The following EPS8 variants were observed in gnomAD, a reference collection of about 807,000 sequenced individuals.
EPS8 encodes the protein epidermal growth factor receptor kinase substrate 8.
A neutral mutation model predicts 103.8 loss-of-function variants in EPS8; 42 were observed. The ratio of observed to expected loss-of-function variants is 0.40; its 90% CI spans 0.32 to 0.52. EPS8 has a LOEUF of 0.52. Among genes scored for constraint, EPS8 ranks in the 20% least tolerant of loss-of-function variants. The pLI is 0.40. For missense variants in EPS8, 969 were observed against 1,005.1 expected (o/e 0.96, Z 0.49); for synonymous variants, 344 against 344.6 (o/e 1.00, Z 0.02).
chr12:15,656,991 C>T (rs75507071), intron 12 of EPS8, among the ~76,000 whole-genome samples: 4 of 152,086 alleles, frequency 2.6e-5, no homozygotes, highest in Admixed American at 2.0e-4. Flanking sequence ...TTAATAATGA[C>T]CCTAGCTTTT....
At chr12:15,742,924 C>G (rs539595520) in intron 1 of EPS8, among the ~76,000 whole-genome samples, 1 of 152,044 alleles carries the variant, frequency 6.6e-6, no homozygotes, top group Non-Finnish European at 1.5e-5. Flanking sequence ...CAATGAGGCA[C>G]GAGAAAGAAA....
chr12:15,654,310 T>C lies in EPS8; in HGVS notation c.1102-17A>G, dbSNP rs756110493. ...CTGCACCACCTAAGATAATAAACCA[T>C]TTTTTAGCAAGAAGATTACTATTCT... is the stretch of plus-strand genomic sequence containing the variant. On this transcript the variant is annotated splice_polypyrimidine_tract_variant and intron_variant, in intron 12 of 20. Transcript: ENST00000281172. The C allele has an allele frequency of 6.2e-7, 1 of 1,608,088 alleles. No individual in the cohort carries two copies. The highest frequency in any genetic ancestry group is 8.5e-7 in the Non-Finnish European group (1 of 1,177,296).
At chr12:15,689,804 A>G in intron 1 of EPS8, among the ~76,000 whole-genome samples, 1 of 152,204 alleles carries the variant, frequency 6.6e-6, no homozygotes, top group East Asian at 1.9e-4. Flanking sequence ...TTTCACTTAT[A>G]CGCAGACTCT....
chr12:15,654,559 T>C (rs547014687), intron 12 of EPS8: 127 of 434,552 alleles, frequency 2.9e-4, no homozygotes, highest in Middle Eastern at 1.9e-3. Flanking sequence ...ATAGTTTCTC[T>C]GGAAGATACC....
chr12:15,789,371 C>T lies in EPS8; in HGVS notation c.-232G>A, dbSNP rs1216148709. On this transcript the variant is annotated 5_prime_UTR_variant, in exon 1 of 21. Coordinates refer to ENST00000281172, the MANE Select transcript of EPS8 (RefSeq NM_004447.6). The surrounding 1 kb of genome is among the most constrained non-coding windows in gnomAD (Gnocchi z 6.1). ...GCGCCGGGCGAGACCGCCTCGCTAG[C>T]TGCTGCCTGTGAAGTCTGGAGCCGC... 1 of 152,456 alleles carries T rather than the reference C, an allele frequency of 6.6e-6. No individual in the cohort carries two copies. Among genetic ancestry groups the T allele is most frequent in the East Asian group, 1.9e-4 (1 of 5,146 alleles). The allele number at this position is 152,456 out of a possible 1,614,324, so 9.4% of individuals were successfully genotyped here. A position where few individuals can be genotyped will look rare whatever the true frequency, so the allele number is the denominator to read the frequency against.
intron 17 of EPS8, among the ~76,000 whole-genome samples, chr12:15,637,783 G>A (rs1350378486): frequency 1.3e-5 from 2 of 152,302 alleles, no homozygotes; most frequent in Middle Eastern, 3.4e-3. Flanking sequence ...CCATATCTGA[G>A]GAGGAGAAAG....
intron 18 of EPS8, among the ~76,000 whole-genome samples, chr12:15,625,593 A>G (rs1286433837): frequency 1.3e-5 from 2 of 152,032 alleles, no homozygotes; most frequent in Non-Finnish European, 2.9e-5. Flanking sequence ...ACTCCAGCCA[A>G]TTCTTTCCCA....
At chr12:15,662,226 CA>C in intron 8 of EPS8, 127 bp from the exon 9 acceptor site, 1 of 1,513,930 alleles carries the variant, frequency 6.6e-7, no homozygotes, top group Non-Finnish European at 8.8e-7. Flanking sequence ...ACTGGATACA[CA>C]AGTCAAAACT....
chr12:15,733,568 A>T lies in EPS8; in HGVS notation c.-21-50596T>A, dbSNP rs1946739423. Among the ~76,000 whole-genome samples, 1 of 152,226 alleles carries T rather than the reference A, an allele frequency of 6.6e-6. No homozygotes were observed. The highest frequency in any genetic ancestry group is 1.5e-5 in the Non-Finnish European group (1 of 68,038). The stretch of plus-strand genomic sequence containing the variant: ...TTTTGTGAGATGAAGAAAGAATAAA[A>T]GGACATGTGAAAACACCTCAGCCCA... On this transcript the variant is annotated intron_variant, in intron 1 of 20. Coordinates refer to ENST00000281172, the MANE Select transcript of EPS8 (RefSeq NM_004447.6). The surrounding 1 kb of genome is among the most constrained non-coding windows in gnomAD (Gnocchi z 4.8).
intron 18 of EPS8, among the ~76,000 whole-genome samples, chr12:15,628,726 T>G: frequency 6.6e-6 from 1 of 152,240 alleles, no homozygotes; most frequent in East Asian, 1.9e-4. Context: ...TTTCCCCTGT[T>G]CATAGCTGCT....
In EPS8 at chr12:15,716,797, G is replaced by A. The variant is rs1485487156; in HGVS notation, c.-21-33825C>T. On this transcript the variant is annotated intron_variant, in intron 1 of 20. Coordinates refer to ENST00000281172, the MANE Select transcript of EPS8 (RefSeq NM_004447.6). This position sits in a 1 kb window ranked among gnomAD's most constrained non-coding sequence, Gnocchi z 5.0. The stretch of plus-strand genomic sequence containing the variant: ...ATTGTTAGGACAACCAAGCAGAATC[G>A]ATCAACAATGTCACAATCCATTCAT... 1.3e-5 allele frequency among the ~76,000 whole-genome samples: 2 copies of A among 152,080 alleles called. No individual in the cohort carries two copies. The highest frequency in any genetic ancestry group is 6.5e-5 in the Admixed American group (1 of 15,284).
At chr12:15,741,472 T>C (rs1946822127) in intron 1 of EPS8, among the ~76,000 whole-genome samples, 1 of 152,018 alleles carries the variant, frequency 6.6e-6, no homozygotes. Context: ...CAGTTTGGGG[T>C]AGAAGGGGAA....
intron 1 of EPS8, among the ~76,000 whole-genome samples, chr12:15,739,932 A>C (rs2136004447): frequency 6.6e-6 from 1 of 152,268 alleles, no homozygotes. Flanking sequence ...TGAGCTTTTA[A>C]AAAGCAATGT....
At position 15,680,629 on chromosome 12, in the gene EPS8, T is replaced by C. The variant is rs147220195; in HGVS notation, c.136+597A>G. On this transcript the variant is annotated intron_variant, in intron 3 of 20. Transcript: ENST00000281172. ...ACAATAAAAGTGGCCATCCAGACCC[T>C]ATACAAATAAATGCCATCCTAAACA... Among the ~76,000 whole-genome samples the C allele has an allele frequency of 4.7e-3, 712 of 151,614 alleles. 3 individuals are homozygous for C. Among genetic ancestry groups the C allele is most frequent in the African/African-American group, 0.016 (663 of 40,936 alleles).
intron 1 of EPS8, among the ~76,000 whole-genome samples, chr12:15,694,960 A>C (rs1320817826): frequency 6.6e-6 from 1 of 152,142 alleles, no homozygotes; most frequent in East Asian, 1.9e-4. Flanking sequence ...ATATTTCACT[A>C]TTTCATTATT....
At chr12:15,732,857 A>G (rs868791543) in intron 1 of EPS8, 4 of 474,000 alleles carry the variant, frequency 8.4e-6, no homozygotes, top group Non-Finnish European at 1.1e-5. Context: ...AAGGCTTTGA[A>G]TACAGCCACC....
At chr12:15,650,635 G>A (rs961383480) in intron 14 of EPS8, among the ~76,000 whole-genome samples, 188 bp downstream of exon 14, 1 of 152,044 alleles carries the variant, frequency 6.6e-6, no homozygotes, top group Non-Finnish European at 1.5e-5. Context: ...GCTTCACGGA[G>A]GAACAGAGCA....
chr12:15,659,507 C>A (rs1253118820), intron 10 of EPS8, among the ~76,000 whole-genome samples: 1 of 152,092 alleles, frequency 6.6e-6, no homozygotes. Flanking sequence ...GGATAGTATA[C>A]CTTTCATAGA....
chr12:15,652,511 C>A (rs1251326829), intron 13 of EPS8, among the ~76,000 whole-genome samples: 1 of 152,086 alleles, frequency 6.6e-6, no homozygotes, highest in East Asian at 1.9e-4. Context: ...CCTGATTTCA[C>A]CTTTGTACAT....
Sources: gnomAD v4.1 joint callset for allele counts (sites outside exome capture counted in the v4.1 genomes callset) on GRCh38, gnomAD v4.1.1 for gene constraint, Gnocchi (gnomAD v3.1) non-coding constraint, MANE v1.5 for transcripts, NCBI Gene and HGNC (gene_info 2026-07-23, HGNC 2026-07-21) for gene names.